NTN1: variants seen among roughly 807,000 people sequenced by gnomAD.
NTN1 encodes netrin-1.
In NTN1, 11 loss-of-function variants were observed where a neutral mutation model predicts 54.2. The observed-to-expected ratio is 0.20, with a 90% confidence interval of 0.13 to 0.34. NTN1 has a LOEUF of 0.34. NTN1 is among the 10% of genes least tolerant of loss of function. NTN1 has a pLI of 1.00. For missense variants in NTN1, 740 were observed against 893.1 expected, an observed-to-expected ratio of 0.83 and a Z score of 2.18; for synonymous variants, 371 against 382.0, an observed-to-expected ratio of 0.97 and a Z score of 0.33.
chr17:9,183,668 G>A (rs1055612041), intron 5 of NTN1: 3 of 206,858 alleles, frequency 1.5e-5, no homozygotes, highest in Admixed American at 5.4e-5. Flanking sequence ...CTCGCGTAAC[G>A]TAACCATACC....
At chr17:9,112,561 C>T (rs369273239) in intron 2 of NTN1, among the ~76,000 whole-genome samples, 2 of 136,116 alleles carry the variant, frequency 1.5e-5, no homozygotes, top group East Asian at 4.5e-4. Context: ...CCCCACCCCT[C>T]ATGCCTGTAA....
chr17:9,065,164 T>TGAC, intron 2 of NTN1, among the ~76,000 whole-genome samples: 1 of 152,318 alleles, frequency 6.6e-6, no homozygotes, highest in South Asian at 2.1e-4. Flanking sequence ...CTCGAACTCC[T>TGAC]GACCTCAGGT....
At position 9,239,831 on chromosome 17, in the gene NTN1, A is replaced by C; in HGVS notation, c.1678A>C (p.Asn560His). Residue 560 changes from asparagine to histidine, a missense_variant, in exon 7 of 7, where the codon AAC becomes CAC. Transcript: ENST00000173229. This position sits in a 1 kb window ranked among gnomAD's most constrained non-coding sequence, Gnocchi z 5.2. ...KPLKKYLLLG[N>H]AEDSPDQSGI... ...CCTCAAGAAGTACCTGCTGCTGGGC[A>C]ACGCGGAGGACTCTCCGGACCAGAG... 2 of 1,613,378 alleles carry C rather than the reference A, an allele frequency of 1.2e-6. No homozygotes were observed. The highest frequency in any genetic ancestry group is 4.5e-5 in the East Asian group (2 of 44,884).
intron 5 of NTN1, among the ~76,000 whole-genome samples, chr17:9,213,246 T>C (rs111837284): frequency 1.3e-5 from 2 of 152,156 alleles, no homozygotes; most frequent in Non-Finnish European, 2.9e-5. Context: ...CACGTCCGAG[T>C]AGGGGGCCAG....
chr17:9,107,866 A>G (rs992054702), intron 2 of NTN1, among the ~76,000 whole-genome samples: 1 of 152,236 alleles, frequency 6.6e-6, no homozygotes, highest in Admixed American at 6.5e-5. Context: ...GAGTTTGCCA[A>G]ACCCTGGCCT....
At position 9,135,561 on chromosome 17, in the gene NTN1, C is replaced by T. The variant is rs8071818; in HGVS notation, c.1019-27252C>T. ...AATGCAGAGGATTGGCTGAGATCCA[C>T]GCTTCTTGGAGCCCATTGGCTTCCC... On this transcript the variant is annotated intron_variant, in intron 2 of 6. Transcript: ENST00000173229. The surrounding 1 kb of genome is among the most constrained non-coding windows in gnomAD (Gnocchi z 4.4). Among the ~76,000 whole-genome samples, 106,859 of 152,146 alleles carry T rather than the reference C, an allele frequency of 0.7. 39,457 individuals carry two copies. The highest frequency in any genetic ancestry group is 1 in the East Asian group (5,159 of 5,180).
chr17:9,034,654 C>G (rs1175518374), intron 2 of NTN1, among the ~76,000 whole-genome samples: 1 of 151,848 alleles, frequency 6.6e-6, no homozygotes, highest in Non-Finnish European at 1.5e-5. Context: ...AACTCTTGAC[C>G]TCAGGTGATC....
chr17:9,167,168 G>A (rs750308981), intron 3 of NTN1, among the ~76,000 whole-genome samples: 1 of 152,138 alleles, frequency 6.6e-6, no homozygotes, highest in Non-Finnish European at 1.5e-5. Flanking sequence ...GCAAGCTGTT[G>A]TCCTATACAA....
In NTN1 at chr17:9,135,980, G is replaced by A. The variant is rs776961173; in HGVS notation, c.1019-26833G>A. ...TGTGTGCACGTGCCTACTCAAACTC[G>A]ACACCCATCCTCCTCACTCCCGCCT... On this transcript the variant is annotated intron_variant, in intron 2 of 6. Transcript: ENST00000173229. The surrounding 1 kb of genome is among the most constrained non-coding windows in gnomAD (Gnocchi z 4.4). Among the ~76,000 whole-genome samples, 2 of 152,128 alleles carry A rather than the reference G, an allele frequency of 1.3e-5. No homozygotes were observed. The highest frequency in any genetic ancestry group is 2.9e-5 in the Non-Finnish European group (2 of 68,018).
rs116771978 is a variant in NTN1, at chr17:9,049,294, C to T, written c.1018+25903C>T. 3.3e-3 allele frequency among the ~76,000 whole-genome samples: 496 copies of T among 152,212 alleles called. 1 individual carries two copies. The highest frequency in any genetic ancestry group is 0.011 in the African/African-American group (469 of 41,522). On this transcript the variant is annotated intron_variant, in intron 2 of 6. Coordinates refer to ENST00000173229, the MANE Select transcript of NTN1 (RefSeq NM_004822.3). ...CATAATGCTAGTTAGAGTACCTTCC[C>T]GCAACCACAGAAGGAAAAAGAATAA...
rs1262845727 is a variant in NTN1 at position 9,022,762 on chromosome 17, A to G, written c.389A>G (p.His130Arg). The change falls in exon 2 of 7, where the codon CAC becomes CGC. Residue 130 changes from histidine (H) to arginine (R), a missense_variant. His to Arg is a conservative substitution (Grantham distance 29). Coordinates refer to ENST00000173229, the MANE Select transcript of NTN1 (RefSeq NM_004822.3). ...WQSENYLQFP[H>R]NVTLTLSLGK... ...TCCGAGAACTACCTGCAGTTCCCGCACAACGTCACGCTCACACTGTCCCTC... is the reference window on the plus strand; with the variant it reads ...TCCGAGAACTACCTGCAGTTCCCGCGCAACGTCACGCTCACACTGTCCCTC... The G allele has an allele frequency of 8.1e-6, 13 of 1,610,092 alleles. No homozygotes were observed. The East Asian group carries it at 1.3e-4, about 17-fold the overall frequency.
At chr17:9,206,821 T>C (rs745556634) in intron 5 of NTN1, among the ~76,000 whole-genome samples, 10 of 152,242 alleles carry the variant, frequency 6.6e-5, no homozygotes, top group Non-Finnish European at 1.2e-4. Flanking sequence ...CAAACCTCCC[T>C]GGAGAGGGAA....
chr17:9,155,960 A>G (rs2092340789), intron 2 of NTN1, among the ~76,000 whole-genome samples: 1 of 152,152 alleles, frequency 6.6e-6, no homozygotes, highest in Non-Finnish European at 1.5e-5. Context: ...GGTTGAGAAC[A>G]CTGCCCCCTC....
rs1024246749 is a variant in NTN1 at position 9,243,894 on chromosome 17, G to GT, written c.*3926_*3927insT. On this transcript the variant is annotated 3_prime_UTR_variant, in exon 7 of 7. Coordinates refer to ENST00000173229, the MANE Select transcript of NTN1 (RefSeq NM_004822.3). ...TCTTTCTTTCCTTTTTTTTGGGGGG[G>GT]GGTGGGGGGTTGGTTAGAGTTGTAA... 2.1e-5 allele frequency: 3 copies of GT among 145,168 alleles called. No homozygotes were observed. Among genetic ancestry groups the GT allele is most frequent in the African/African-American group, 7.6e-5 (3 of 39,430 alleles). The allele number at this position is 145,168 out of a possible 1,614,324, so 9.0% of individuals were successfully genotyped here. A position where few individuals can be genotyped will look rare whatever the true frequency, so the allele number is the denominator to read the frequency against.
At chr17:9,235,622 A>C (rs1466798185) in intron 6 of NTN1, among the ~76,000 whole-genome samples, 1 of 152,200 alleles carries the variant, frequency 6.6e-6, no homozygotes, top group East Asian at 1.9e-4. Flanking sequence ...TCAAGGTGCC[A>C]ACAGATTCAG....
At chr17:9,030,466 G>A (rs1431686897) in intron 2 of NTN1, among the ~76,000 whole-genome samples, 1 of 152,234 alleles carries the variant, frequency 6.6e-6, no homozygotes, top group Non-Finnish European at 1.5e-5. Context: ...TGATTCTGTG[G>A]CTGGACGCAG....
In NTN1 at chr17:9,054,996, G is replaced by C. The variant is rs112761904; in HGVS notation, c.1018+31605G>C. Among the ~76,000 whole-genome samples, 412 of 152,258 alleles carry C rather than the reference G, an allele frequency of 2.7e-3. 5 individuals are homozygous for C. Among genetic ancestry groups the C allele is most frequent in the African/African-American group, 9.6e-3 (398 of 41,542 alleles). ...TCTGCGTTATGAAAAAGAGGAATAG[G>C]GTACACATGCCCTCTTGGCAGCTCC... On this transcript the variant is annotated intron_variant, in intron 2 of 6. Transcript: ENST00000173229.
chr17:9,091,153 C>T (rs2142233030), intron 2 of NTN1, among the ~76,000 whole-genome samples: 1 of 152,314 alleles, frequency 6.6e-6, no homozygotes, highest in South Asian at 2.1e-4. Context: ...GTGACTTTTC[C>T]TCCCCCAAAC....
At chr17:9,087,950 A>G (rs2142229988) in intron 2 of NTN1, among the ~76,000 whole-genome samples, 1 of 152,320 alleles carries the variant, frequency 6.6e-6, no homozygotes, top group Admixed American at 6.5e-5. Context: ...ACCCAAGAGC[A>G]GATGTAGAAA....
Sources: gnomAD v4.1 joint callset for allele counts (sites outside exome capture counted in the v4.1 genomes callset) on GRCh38, gnomAD v4.1.1 for gene constraint, Gnocchi (gnomAD v3.1) non-coding constraint, MANE v1.5 for transcripts, NCBI Gene and HGNC (gene_info 2026-07-23, HGNC 2026-07-21) for gene names.